The following AK5 variants were observed in gnomAD, a reference collection of about 807,000 sequenced individuals.
AK5 encodes the protein adenylate kinase isoenzyme 5.
A neutral mutation model predicts 69.5 loss-of-function variants in AK5; 27 were observed. The observed-to-expected ratio is 0.39, with a 90% CI of 0.29 to 0.54. The LOEUF is 0.54. AK5 is among the 20% of genes least tolerant of loss of function. The pLI, the probability that AK5 is intolerant of heterozygous loss-of-function variation, is 0.71. For missense variants in AK5, 531 were observed against 700.4 expected (o/e 0.76, Z 2.73); for synonymous variants, 260 against 244.4 (o/e 1.06, Z -0.60).
intron 13 of AK5, among the ~76,000 whole-genome samples, chr1:77,547,316 C>T (rs762981290): frequency 7.5e-6 from 1 of 132,584 alleles, no homozygotes; most frequent in Non-Finnish European, 1.6e-5. Flanking sequence ...ACTCTGTCAC[C>T]AGGCTGGAGT....
chr1:77,485,078 A>C (rs1655504727), intron 9 of AK5, among the ~76,000 whole-genome samples: 1 of 152,240 alleles, frequency 6.6e-6, no homozygotes, highest in Non-Finnish European at 1.5e-5. Flanking sequence ...AGAACCTGAG[A>C]TGACCATCTG....
chr1:77,513,209 T>A (rs1375339391), intron 10 of AK5, among the ~76,000 whole-genome samples: 1 of 152,176 alleles, frequency 6.6e-6, no homozygotes, highest in Non-Finnish European at 1.5e-5. Flanking sequence ...TTATGCCATC[T>A]TTCCCACACT....
intron 6 of AK5, among the ~76,000 whole-genome samples, chr1:77,407,594 A>T (rs2100562459): frequency 6.6e-6 from 1 of 152,272 alleles, no homozygotes; most frequent in Non-Finnish European, 1.5e-5. Context: ...ACGGGTGTAG[A>T]CATATATCAA....
At chr1:77,460,867 G>C (rs1319722757) in intron 8 of AK5, among the ~76,000 whole-genome samples, 1 of 151,646 alleles carries the variant, frequency 6.6e-6, no homozygotes, top group Non-Finnish European at 1.5e-5. Context: ...AGGATTACAG[G>C]CACGTACCAC....
chr1:77,521,816 C>G lies in AK5; in HGVS notation c.1312-11C>G. The G allele has an allele frequency of 6.2e-7, 1 of 1,609,794 alleles. No homozygotes were observed. The highest frequency in any genetic ancestry group is 8.5e-7 in the Non-Finnish European group (1 of 1,176,296). On this transcript the variant is annotated splice_polypyrimidine_tract_variant and intron_variant, in intron 11 of 13. Transcript: ENST00000354567. ...AGAGCTCAGGTCCTGACCACTCTCG[C>G]TTTGCTCCAGGGCATCGTTTTGGAG... is the stretch of plus-strand genomic sequence containing the variant.
chr1:77,471,455 T>C (rs1276886079), intron 8 of AK5, among the ~76,000 whole-genome samples: 1 of 152,212 alleles, frequency 6.6e-6, no homozygotes, highest in African/African-American at 2.4e-5. Flanking sequence ...TGCACTGACA[T>C]GCTTTCTAAA....
intron 10 of AK5, among the ~76,000 whole-genome samples, chr1:77,500,055 A>T (rs1290236380): frequency 1.3e-5 from 2 of 151,828 alleles, no homozygotes; most frequent in Non-Finnish European, 1.5e-5. Context: ...CAGACCCATT[A>T]TCAGAAGCAA....
At chr1:77,533,106 G>A (rs188880610) in intron 12 of AK5, among the ~76,000 whole-genome samples, 2 of 152,352 alleles carry the variant, frequency 1.3e-5, no homozygotes, top group Admixed American at 1.3e-4. Flanking sequence ...AGAGAGTGCT[G>A]ATTCCAGGAG....
At chr1:77,343,506 G>A (rs1285363007) in intron 6 of AK5, among the ~76,000 whole-genome samples, 1 of 152,178 alleles carries the variant, frequency 6.6e-6, no homozygotes, top group Non-Finnish European at 1.5e-5. Context: ...GAGAGAATAT[G>A]TATAACATGG....
At position 77,535,905 on chromosome 1, in the gene AK5, G is replaced by A. The variant is rs777102302; in HGVS notation, c.1487G>A (p.Arg496His). ...TGCTCGGCAGACACCATGACCAACC[G>A]CCTTCTCCAAAGGAGCCGGAGCAGC... Reference protein sequence around the residue: ...MDCSADTMTNRLLQRSRSSLP... With the variant: ...MDCSADTMTNHLLQRSRSSLP... Residue 496 changes from arginine to histidine, a missense_variant, in exon 13 of 14, where the codon CGC (arginine) becomes CAC (histidine). By Grantham distance (29) the Arg-to-His change is conservative (BLOSUM62 0). Coordinates refer to ENST00000354567, the MANE Select transcript of AK5 (RefSeq NM_174858.3). 2.5e-6 allele frequency: 4 copies of A among 1,613,706 alleles called. No individual in the cohort carries two copies. Among genetic ancestry groups the A allele is most frequent in the South Asian group, 1.1e-5 (1 of 90,992 alleles).
chr1:77,359,482 A>C (rs1344513315), intron 6 of AK5, among the ~76,000 whole-genome samples: 1 of 152,146 alleles, frequency 6.6e-6, no homozygotes, highest in Non-Finnish European at 1.5e-5. Context: ...TATTCTGTAA[A>C]CTTTTTTGTA....
chr1:77,313,521 G>A (rs1051477169), intron 5 of AK5, among the ~76,000 whole-genome samples: 1 of 152,120 alleles, frequency 6.6e-6, no homozygotes, highest in African/African-American at 2.4e-5. Flanking sequence ...CTACATGTGT[G>A]TAGTGTCTGT....
At chr1:77,409,216 A>G (rs561179905) in intron 6 of AK5, among the ~76,000 whole-genome samples, 14 of 152,312 alleles carry the variant, frequency 9.2e-5, no homozygotes, top group South Asian at 2.1e-4. Flanking sequence ...TAATGCTGCA[A>G]TGAAGATTCA....
intron 6 of AK5, among the ~76,000 whole-genome samples, chr1:77,354,015 A>G (rs150182956): frequency 7.0e-4 from 107 of 152,132 alleles, no homozygotes; most frequent in Middle Eastern, 3.4e-3. Flanking sequence ...TGAACTTGAC[A>G]CTCTGGAACA....
chr1:77,503,303 A>G (rs1656832349), intron 10 of AK5, among the ~76,000 whole-genome samples: 1 of 152,354 alleles, frequency 6.6e-6, no homozygotes. Flanking sequence ...ATTTTTGCCT[A>G]GTTTAGAGGG....
intron 6 of AK5, among the ~76,000 whole-genome samples, chr1:77,377,056 T>C (rs1647298134): frequency 6.6e-6 from 1 of 152,224 alleles, no homozygotes; most frequent in Non-Finnish European, 1.5e-5. Flanking sequence ...TGACAATAAT[T>C]TGCCCCAGCA....
intron 8 of AK5, among the ~76,000 whole-genome samples, chr1:77,467,920 C>G (rs1467751476): frequency 2.0e-5 from 3 of 152,146 alleles, no homozygotes; most frequent in Non-Finnish European, 4.4e-5. Flanking sequence ...GTGCTCATAG[C>G]AGTATCATCA....
At chr1:77,474,417 T>C (rs1442660798) in intron 8 of AK5, among the ~76,000 whole-genome samples, 1 of 152,214 alleles carries the variant, frequency 6.6e-6, no homozygotes, top group Non-Finnish European at 1.5e-5. Flanking sequence ...CACTCAGGCT[T>C]ACCCTCTAGA....
intron 12 of AK5, among the ~76,000 whole-genome samples, chr1:77,523,625 G>A (rs998726692): frequency 6.6e-6 from 1 of 152,108 alleles, no homozygotes; most frequent in African/African-American, 2.4e-5. Context: ...CCACCATCTT[G>A]AGAACTCTTT....
Sources: allele counts gnomAD v4.1 joint callset (sites outside exome capture counted in the v4.1 genomes callset), GRCh38; gene constraint gnomAD v4.1.1; transcripts MANE v1.5; gene names NCBI Gene and HGNC (gene_info 2026-07-23, HGNC 2026-07-21).